NAALADL2: variants seen among roughly 807,000 people sequenced by gnomAD.
NAALADL2 encodes the protein N-acetylated alpha-linked acidic dipeptidase like 2.
A neutral mutation model predicts 87.2 loss-of-function variants in NAALADL2; 76 were observed. The observed-to-expected ratio is 0.87, with a 90% CI of 0.72 to 1.05. The LOEUF (loss-of-function observed/expected upper bound fraction) is 1.05. Ranked by LOEUF, NAALADL2 falls within the 50% of genes least tolerant of loss-of-function variation. The pLI, the probability that NAALADL2 is intolerant of heterozygous loss-of-function variation, is 0.00. For synonymous variants in NAALADL2, 354 were observed against 331.0 expected (o/e 1.07, Z -0.75); for missense variants, 1,089 against 945.8 (o/e 1.15, Z -1.99).
At chr3:175,104,782 G>A (rs11920347) in intron 2 of NAALADL2, among the ~76,000 whole-genome samples, 22 of 152,216 alleles carry the variant, frequency 1.4e-4, no homozygotes, top group East Asian at 5.8e-4. Flanking sequence ...CTATCCTATC[G>A]TTGATCTCTC....
At position 175,211,049 on chromosome 3, in the gene NAALADL2, G is replaced by A. The variant is rs945125835; in HGVS notation, c.546-22882G>A. Among the ~76,000 whole-genome samples, 19 of 151,880 alleles carry A rather than the reference G, an allele frequency of 1.3e-4. No homozygotes were observed. In the South Asian group the frequency reaches 1.4e-3, roughly 12 times the overall value. On this transcript the variant is annotated intron_variant, in intron 2 of 13. Coordinates refer to ENST00000454872, the MANE Select transcript of NAALADL2 (RefSeq NM_207015.3). ...AAACAAAAAGGCCCATTAGCTCAGA[G>A]CATTTTTAATATTCTAACCAGGATA...
chr3:175,416,111 G>T lies in NAALADL2; in HGVS notation c.1091-31118G>T, dbSNP rs1038794092. ...CACTCCAGTCTGGGCAACAGAGCAA[G>T]ACCTCATCTTAAAATAAATAAATAA... On this transcript the variant is annotated intron_variant, in intron 5 of 13. Coordinates refer to ENST00000454872, the MANE Select transcript of NAALADL2 (RefSeq NM_207015.3). Among the ~76,000 whole-genome samples, 47 of 151,710 alleles carry T rather than the reference G, an allele frequency of 3.1e-4. 1 individual carries two copies. Among genetic ancestry groups the T allele is most frequent in the Non-Finnish European group, 1.5e-4 (10 of 67,940 alleles).
At chr3:175,257,907 T>C (rs1750291528) in intron 4 of NAALADL2, among the ~76,000 whole-genome samples, 2 of 152,170 alleles carry the variant, frequency 1.3e-5, no homozygotes, top group Non-Finnish European at 2.9e-5. Flanking sequence ...ATATTAATCT[T>C]CAAAATAATC....
chr3:175,379,750 A>T (rs1192555774), intron 5 of NAALADL2, among the ~76,000 whole-genome samples: 1 of 151,938 alleles, frequency 6.6e-6, no homozygotes, highest in Non-Finnish European at 1.5e-5. Flanking sequence ...TATTCCTCAA[A>T]GGTTTGTCTG....
chr3:174,899,117 G>A (rs549268670), intron 1 of NAALADL2, among the ~76,000 whole-genome samples: 3 of 152,072 alleles, frequency 2.0e-5, no homozygotes, highest in African/African-American at 4.8e-5. Context: ...GAACCTCAGC[G>A]AACATTAAAA....
At chr3:175,017,449 G>T (rs780508749) in intron 1 of NAALADL2, among the ~76,000 whole-genome samples, 1 of 152,052 alleles carries the variant, frequency 6.6e-6, no homozygotes. Context: ...GCACCATTTG[G>T]ATGTCAGTAT....
intron 11 of NAALADL2, among the ~76,000 whole-genome samples, chr3:175,694,742 A>T (rs1341439781): frequency 6.6e-6 from 1 of 152,126 alleles, no homozygotes; most frequent in Non-Finnish European, 1.5e-5. Context: ...AGGGATGCTC[A>T]TTTGCTATTA....
chr3:175,307,973 T>C (rs1757918507), intron 4 of NAALADL2, among the ~76,000 whole-genome samples: 1 of 152,192 alleles, frequency 6.6e-6, no homozygotes, highest in Non-Finnish European at 1.5e-5. Flanking sequence ...AAGTAATTAT[T>C]TACTCCCACT....
At chr3:175,663,939 G>A (rs893834424) in intron 11 of NAALADL2, among the ~76,000 whole-genome samples, 6 of 151,938 alleles carry the variant, frequency 3.9e-5, no homozygotes, top group Admixed American at 2.6e-4. Context: ...ATTTTTGTGA[G>A]ACAGTGATTA....
chr3:175,411,036 G>A (rs1713414622), intron 5 of NAALADL2, among the ~76,000 whole-genome samples: 1 of 152,144 alleles, frequency 6.6e-6, no homozygotes, highest in African/African-American at 2.4e-5. Flanking sequence ...ACGGGCAAAA[G>A]AACAGATCTA....
chr3:174,806,734 G>A (rs1185112390), intron 3 of NAALADL2, among the ~76,000 whole-genome samples: 1 of 152,098 alleles, frequency 6.6e-6, no homozygotes, highest in African/African-American at 2.4e-5. Flanking sequence ...AGGTTGTTGT[G>A]TATTGACAGA....
chr3:174,496,382 C>G (rs1718536604), intron 1 of NAALADL2, among the ~76,000 whole-genome samples: 1 of 151,762 alleles, frequency 6.6e-6, no homozygotes, highest in African/African-American at 2.4e-5. Flanking sequence ...GGTCATAACT[C>G]TAGGGGTTCA....
At chr3:175,139,307 A>G (rs1430934437) in intron 2 of NAALADL2, among the ~76,000 whole-genome samples, 1 of 151,974 alleles carries the variant, frequency 6.6e-6, no homozygotes, top group Non-Finnish European at 1.5e-5. Flanking sequence ...GGATATATAT[A>G]TACCTGAAAA....
At chr3:175,601,692 C>T (rs967239237) in intron 10 of NAALADL2, among the ~76,000 whole-genome samples, 1 of 152,060 alleles carries the variant, frequency 6.6e-6, no homozygotes, top group Non-Finnish European at 1.5e-5. Context: ...TGACATACAC[C>T]CACACAGTAG....
At chr3:175,204,352 T>C (rs1373228529) in intron 2 of NAALADL2, among the ~76,000 whole-genome samples, 2 of 152,136 alleles carry the variant, frequency 1.3e-5, no homozygotes, top group Non-Finnish European at 2.9e-5. Context: ...AATCACATGA[T>C]CATCTCAATA....
intron 11 of NAALADL2, among the ~76,000 whole-genome samples, chr3:175,640,160 T>C (rs569801674): frequency 6.6e-6 from 1 of 152,328 alleles, no homozygotes; most frequent in East Asian, 1.9e-4. Context: ...CCTCTCTAGA[T>C]TACATTTTCT....
intron 5 of NAALADL2, among the ~76,000 whole-genome samples, chr3:175,402,536 C>G (rs1004410065): frequency 3.9e-5 from 6 of 152,026 alleles, no homozygotes; most frequent in African/African-American, 1.4e-4. Context: ...TTACCTCCAG[C>G]CTCATCTATT....
chr3:175,417,141 C>T (rs1487233873), intron 5 of NAALADL2, among the ~76,000 whole-genome samples: 2 of 147,704 alleles, frequency 1.4e-5, no homozygotes, highest in African/African-American at 4.9e-5. Context: ...AAAGTCCAGC[C>T]AGGTGCCAAA....
chr3:174,909,561 A>C (rs1733418267), intron 1 of NAALADL2, among the ~76,000 whole-genome samples: 1 of 152,098 alleles, frequency 6.6e-6, no homozygotes, highest in Non-Finnish European at 1.5e-5. Context: ...TCCCTACTCC[A>C]AGATTTCTAA....
Sources: allele counts gnomAD v4.1 joint callset (sites outside exome capture counted in the v4.1 genomes callset), GRCh38; gene constraint gnomAD v4.1.1; transcripts MANE v1.5; gene names NCBI Gene and HGNC (gene_info 2026-07-23, HGNC 2026-07-21).